The following RALGPS1 variants were observed in gnomAD, a reference collection of about 807,000 sequenced individuals.
RALGPS1 encodes the protein ras-specific guanine nucleotide-releasing factor RalGPS1.
A neutral mutation model predicts 78.8 loss-of-function variants in RALGPS1; 19 were observed. The observed-to-expected ratio is 0.24, with a 90% CI of 0.17 to 0.35. The LOEUF (loss-of-function observed/expected upper bound fraction) is 0.35. Ranked by LOEUF, RALGPS1 falls within the 10% of genes least tolerant of loss-of-function variation. RALGPS1 has a pLI of 1.00. For missense variants in RALGPS1, 454 were observed against 688.3 expected, an observed-to-expected ratio of 0.66 and a Z score of 3.81; for synonymous variants, 228 against 256.3, an observed-to-expected ratio of 0.89 and a Z score of 1.06.
chr9:127,027,910 A>G (rs1051443307), intron 4 of RALGPS1, among the ~76,000 whole-genome samples: 6 of 152,166 alleles, frequency 3.9e-5, no homozygotes, highest in Non-Finnish European at 8.8e-5. Flanking sequence ...ATTGGTGCCT[A>G]TCTCATCGTC....
chr9:126,961,878 G>T (rs2038930036), intron 1 of RALGPS1, among the ~76,000 whole-genome samples: 1 of 152,132 alleles, frequency 6.6e-6, no homozygotes, highest in Non-Finnish European at 1.5e-5. Context: ...GCTAACTGGG[G>T]ACTCAAAGGC....
chr9:126,923,743 C>T (rs2034994745), intron 1 of RALGPS1, among the ~76,000 whole-genome samples: 1 of 152,172 alleles, frequency 6.6e-6, no homozygotes, highest in African/African-American at 2.4e-5. Context: ...GATTATAGCA[C>T]ACTACAGCCT....
At chr9:127,101,028 A>G (rs1411486635) in intron 8 of RALGPS1, among the ~76,000 whole-genome samples, 1 of 152,194 alleles carries the variant, frequency 6.6e-6, no homozygotes, top group Non-Finnish European at 1.5e-5. Context: ...TTTCTTGACT[A>G]TCACTGGTGG....
intron 2 of RALGPS1, among the ~76,000 whole-genome samples, chr9:126,962,621 G>T (rs2039007509): frequency 6.6e-6 from 1 of 152,202 alleles, no homozygotes; most frequent in Non-Finnish European, 1.5e-5. Context: ...TGGCAAGAAG[G>T]GATCAGACCT....
rs147935879 is a variant in RALGPS1 at position 127,071,037 on chromosome 9, C to CTATATA, written c.610+1682_610+1683insATATAT. On this transcript the variant is annotated intron_variant, in intron 8 of 18. Coordinates refer to ENST00000259351, the MANE Select transcript of RALGPS1 (RefSeq NM_014636.3). Reference sequence around the variant, plus strand: ...TATAAATTTGAATCTCTCTCTCTCTCTCTATATATATATACACTAAATACT... The same window carrying CTATATA: ...TATAAATTTGAATCTCTCTCTCTCTCTATATATCTATATATATATACACTAAATACT... 2.2e-3 allele frequency among the ~76,000 whole-genome samples: 326 copies of CTATATA among 147,718 alleles called. 1 individual carries two copies. Among genetic ancestry groups the CTATATA allele is most frequent in the African/African-American group, 6.7e-3 (271 of 40,198 alleles).
intron 4 of RALGPS1, among the ~76,000 whole-genome samples, chr9:127,000,418 T>G (rs1026052947): frequency 6.6e-6 from 1 of 152,080 alleles, no homozygotes; most frequent in African/African-American, 2.4e-5. Flanking sequence ...TTCAAATGCT[T>G]TCTAATTTTC....
At chr9:127,171,423 A>G (rs889181854) in intron 10 of RALGPS1, among the ~76,000 whole-genome samples, 2 of 152,220 alleles carry the variant, frequency 1.3e-5, no homozygotes, top group Non-Finnish European at 2.9e-5. Flanking sequence ...ATTTACCAAA[A>G]GAGAGATTAT....
chr9:127,172,200 T>C (rs1032170105), intron 10 of RALGPS1, among the ~76,000 whole-genome samples: 3 of 152,242 alleles, frequency 2.0e-5, no homozygotes, highest in Non-Finnish European at 2.9e-5. Context: ...CTCAGAGAAA[T>C]GTCTGTGTTG....
chr9:127,074,040 C>G (rs930568533), intron 8 of RALGPS1, among the ~76,000 whole-genome samples: 1 of 152,174 alleles, frequency 6.6e-6, no homozygotes, highest in South Asian at 2.1e-4. Context: ...TGCCACCATG[C>G]CCCGCTAAGT....
chr9:127,011,713 T>C (rs1302027060), intron 4 of RALGPS1, among the ~76,000 whole-genome samples: 1 of 152,174 alleles, frequency 6.6e-6, no homozygotes, highest in East Asian at 1.9e-4. Flanking sequence ...TAAATACTTT[T>C]ATAGGACCAT....
chr9:126,964,802 C>CT (rs2039301354), intron 2 of RALGPS1, among the ~76,000 whole-genome samples: 1 of 152,124 alleles, frequency 6.6e-6, no homozygotes, highest in Non-Finnish European at 1.5e-5. Flanking sequence ...CCTCACTGGC[C>CT]TAAAAGCACT....
At chr9:127,031,295 C>T (rs963357597) in intron 4 of RALGPS1, among the ~76,000 whole-genome samples, 1 of 152,246 alleles carries the variant, frequency 6.6e-6, no homozygotes, top group Non-Finnish European at 1.5e-5. Flanking sequence ...ACCCACTTAA[C>T]ACGGATGGAA....
At chr9:127,034,620 C>G in intron 5 of RALGPS1, 106 bp downstream of exon 5, 1 of 939,554 alleles carries the variant, frequency 1.1e-6, no homozygotes, top group South Asian at 1.3e-5. Flanking sequence ...CCAGCTGGCC[C>G]CAGATCCAGC....
chr9:126,983,860 T>C (rs561845368), intron 4 of RALGPS1, among the ~76,000 whole-genome samples: 2 of 152,288 alleles, frequency 1.3e-5, no homozygotes, highest in Admixed American at 1.3e-4. Flanking sequence ...TTTGGGTCAG[T>C]CTTTTTGGGA....
intron 8 of RALGPS1, among the ~76,000 whole-genome samples, chr9:127,094,315 A>G (rs2052855388): frequency 1.3e-5 from 2 of 152,136 alleles, no homozygotes; most frequent in Admixed American, 6.5e-5. Flanking sequence ...TGTTCATTAT[A>G]TTAGGAAAAA....
rs1042804401 is a variant in RALGPS1, at chr9:127,194,962, C to T, written c.911-129C>T. 3.2e-5 allele frequency: 36 copies of T among 1,112,738 alleles called. No homozygotes were observed. The Admixed American group carries it at 4.9e-4, about 15-fold the overall frequency. 68.9% of individuals were successfully genotyped at this position (1,112,738 alleles called of 1,614,324 possible). ...TACAGAGCTCATATGAACCTTGCCC[C>T]ACCTGTGACAGCTGGGCCAGTTGCT... On this transcript the variant is annotated intron_variant, in intron 11 of 18. Coordinates refer to ENST00000259351, the MANE Select transcript of RALGPS1 (RefSeq NM_014636.3).
At chr9:127,107,788 G>A in intron 8 of RALGPS1, 2 of 955,112 alleles carry the variant, frequency 2.1e-6, no homozygotes, top group Non-Finnish European at 3.0e-6. Flanking sequence ...GGGATTGCTG[G>A]GGGATTGTGC....
Position 127,028,336 on chromosome 9 carries a change from A to G in RALGPS1, c.217-6095A>G, listed in dbSNP as rs534298074. Among the ~76,000 whole-genome samples the G allele has an allele frequency of 3.3e-5, 5 of 152,328 alleles. No homozygotes were observed. In the East Asian group the frequency reaches 9.6e-4, roughly 29 times the overall value. ...GCTCCCATCACTTCTACCATCCACTACCTGTGTGGTCTGGACAAATTACCT... is the reference window on the plus strand; with the variant it reads ...GCTCCCATCACTTCTACCATCCACTGCCTGTGTGGTCTGGACAAATTACCT... On this transcript the variant is annotated intron_variant, in intron 4 of 18. Coordinates refer to ENST00000259351, the MANE Select transcript of RALGPS1 (RefSeq NM_014636.3).
At position 127,190,555 on chromosome 9, in the gene RALGPS1, C is replaced by T. The variant is rs377431606; in HGVS notation, c.911-4536C>T. On this transcript the variant is annotated intron_variant, in intron 11 of 18. Transcript: ENST00000259351. ...GCCCAGGCTGAAACATAAGTTTTTA[C>T]GATTTATCTGTATTGATACCTGTAG... Among the ~76,000 whole-genome samples, 22 of 152,192 alleles carry T rather than the reference C, an allele frequency of 1.4e-4. No homozygotes were observed. In the South Asian group the frequency reaches 3.3e-3, roughly 23 times the overall value.
Sources: gnomAD v4.1 joint callset for allele counts (sites outside exome capture counted in the v4.1 genomes callset) on GRCh38, gnomAD v4.1.1 for gene constraint, MANE v1.5 for transcripts, NCBI Gene and HGNC (gene_info 2026-07-23, HGNC 2026-07-21) for gene names.